CELF2: variants seen among roughly 807,000 people sequenced by gnomAD.
CELF2 encodes the protein CUGBP Elav-like family member 2.
In CELF2, 8 loss-of-function variants were observed where a neutral mutation model predicts 62.6. That is an observed-to-expected ratio of 0.13 (90% CI 0.07 to 0.23). The LOEUF (loss-of-function observed/expected upper bound fraction) is 0.23, where lower values mean the gene tolerates loss of function less well. CELF2 is among the 10% of genes least tolerant of loss of function. CELF2 has a pLI of 1.00. For missense variants in CELF2, 333 were observed against 671.0 expected (o/e 0.50, Z 5.56); for synonymous variants, 258 against 250.0 (o/e 1.03, Z -0.30).
chr10:10,902,594 A>G (rs1295019978), intron 1 of CELF2, among the ~76,000 whole-genome samples: 2 of 152,226 alleles, frequency 1.3e-5, no homozygotes, highest in African/African-American at 2.4e-5. Context: ...ACTTGGGGAC[A>G]GGGAAGGGAT....
the CELF2 span, among the ~76,000 whole-genome samples, chr10:10,759,595 T>C: frequency 6.6e-6 from 1 of 151,882 alleles, no homozygotes; most frequent in Admixed American, 6.6e-5. Flanking sequence ...AGGTGTGAAC[T>C]ACCACGTCTG....
intron 1 of CELF2, among the ~76,000 whole-genome samples, chr10:10,858,817 T>A (rs533240880): frequency 2.6e-5 from 4 of 152,272 alleles, no homozygotes; most frequent in South Asian, 4.1e-4. Flanking sequence ...ATAACATTAT[T>A]CCTTTAGTTT....
At position 11,039,319 on chromosome 10, in the gene CELF2, C is replaced by T. The variant is rs142320884; in HGVS notation, c.74+21156C>T. The stretch of plus-strand genomic sequence containing the variant: ...AACTGGGCCAATTCTCATGGGGCAC[C>T]TCCCATGCCAGGATTTGGGATGTAA... On this transcript the variant is annotated intron_variant, in intron 1 of 12. Transcript: ENST00000633077. The surrounding 1 kb of genome is among the most constrained non-coding windows in gnomAD (Gnocchi z 4.1). 7.2e-5 allele frequency among the ~76,000 whole-genome samples: 11 copies of T among 152,260 alleles called. No individual in the cohort carries two copies. In the East Asian group the frequency reaches 2.1e-3, roughly 29 times the overall value.
the CELF2 span, among the ~76,000 whole-genome samples, chr10:10,625,924 T>C: frequency 6.6e-5 from 10 of 152,214 alleles, no homozygotes; most frequent in South Asian, 1.7e-3. Context: ...TTTTTTTTTT[T>C]TTCTTCTAAA....
At chr10:10,864,770 CACGA>C (rs2060253874) in intron 1 of CELF2, among the ~76,000 whole-genome samples, 1 of 152,192 alleles carries the variant, frequency 6.6e-6, no homozygotes, top group African/African-American at 2.4e-5. Context: ...CTTAGAGAGA[CACGA>C]ATATTCAGTT....
chr10:10,649,123 T>C, the CELF2 span, among the ~76,000 whole-genome samples: 2 of 152,192 alleles, frequency 1.3e-5, no homozygotes, highest in African/African-American at 4.8e-5. Context: ...TATCCTCTCA[T>C]TTTTTCATGC....
chr10:10,685,021 C>T, the CELF2 span, among the ~76,000 whole-genome samples: 18 of 152,188 alleles, frequency 1.2e-4, no homozygotes, highest in Non-Finnish European at 2.5e-4. Flanking sequence ...AAACAACCAC[C>T]GGAGACCAAA....
chr10:10,909,888 A>C (rs2063663003), intron 1 of CELF2, among the ~76,000 whole-genome samples: 1 of 138,506 alleles, frequency 7.2e-6, no homozygotes, highest in Non-Finnish European at 1.5e-5. Context: ...TTCCTGTCTA[A>C]TAATATCCAG....
chr10:10,699,406 G>A, the CELF2 span, among the ~76,000 whole-genome samples: 1 of 152,214 alleles, frequency 6.6e-6, no homozygotes, highest in South Asian at 2.1e-4. Flanking sequence ...TCAATGGTGA[G>A]CAATTCATAC....
the CELF2 span, chr10:10,792,240 C>A: frequency 7.6e-6 from 3 of 395,780 alleles, no homozygotes; most frequent in East Asian, 1.1e-4. Flanking sequence ...GCAGTGGTTA[C>A]CACCTTGAAT....
At chr10:10,506,670 ATTTTTTTTTTTT>A in the CELF2 span, among the ~76,000 whole-genome samples, 5 of 64,572 alleles carry the variant, frequency 7.7e-5, no homozygotes, top group East Asian at 5.9e-4. Context: ...CCTCCTGTGA[ATTTTTTTTTTTT>A]TTTTTTTTTT....
the CELF2 span, among the ~76,000 whole-genome samples, chr10:10,490,380 C>T: frequency 6.6e-6 from 1 of 152,090 alleles, no homozygotes; most frequent in East Asian, 1.9e-4. Context: ...GTGGAAAATG[C>T]CTTTGTCCAG....
intron 3 of CELF2, among the ~76,000 whole-genome samples, chr10:11,235,871 G>A (rs947762067): frequency 1.3e-5 from 2 of 151,908 alleles, no homozygotes; most frequent in African/African-American, 4.8e-5. Flanking sequence ...AATCATTTTT[G>A]CTTAAACGTG....
chr10:11,049,532 T>A (rs1291884), intron 1 of CELF2, among the ~76,000 whole-genome samples: 5,690 of 143,912 alleles, frequency 0.04, 283 homozygotes, highest in African/African-American at 0.12. Context: ...TTCTCCCAAC[T>A]TATTTGTTCC....
Position 11,018,015 on chromosome 10 carries a change from G to C in CELF2, c.-75G>C, listed in dbSNP as rs1200876132. The C allele has an allele frequency of 2.8e-6, 3 of 1,064,504 alleles. No individual in the cohort carries two copies. The highest frequency in any genetic ancestry group is 3.4e-6 in the Non-Finnish European group (3 of 884,444). 65.9% of individuals were successfully genotyped at this position (1,064,504 alleles called of 1,614,324 possible). A position where few individuals can be genotyped will look rare whatever the true frequency, so the allele number is the denominator to read the frequency against. ...AGGCCGCGCGCACCTGTCCCTGCCC[G>C]TCTCGCGCCGCCCGCGGCCGCTCGG... On this transcript the variant is annotated 5_prime_UTR_variant, in exon 1 of 13. Transcript: ENST00000633077.
chr10:11,215,020 A>G (rs1192026255), intron 2 of CELF2, among the ~76,000 whole-genome samples: 2 of 152,204 alleles, frequency 1.3e-5, no homozygotes, highest in Non-Finnish European at 2.9e-5. Flanking sequence ...TGAAAAACAA[A>G]AACCACCCAC....
chr10:11,124,123 A>G (rs915188817), intron 1 of CELF2, among the ~76,000 whole-genome samples: 1 of 151,982 alleles, frequency 6.6e-6, no homozygotes, highest in African/African-American at 2.4e-5. Flanking sequence ...AGTATGGGAG[A>G]ACTGCCCCAT....
rs965993318 is a variant in CELF2, at chr10:11,290,299, G to A, written c.976+1747G>A. Among the ~76,000 whole-genome samples the A allele has an allele frequency of 2.6e-5, 4 of 152,176 alleles. 1 individual carries two copies. Among genetic ancestry groups the A allele is most frequent in the African/African-American group, 4.8e-5 (2 of 41,440 alleles). ...GGAGGTGACCCCTCTCTCAAAAGGT[G>A]ACCTTTGAGCAGAGACCTGAGTTCC... On this transcript the variant is annotated intron_variant, in intron 9 of 12. Coordinates refer to ENST00000633077, the MANE Select transcript of CELF2 (RefSeq NM_001326342.2). The surrounding 1 kb of genome is among the most constrained non-coding windows in gnomAD (Gnocchi z 4.3).
At chr10:10,622,322 G>A in the CELF2 span, among the ~76,000 whole-genome samples, 7 of 152,276 alleles carry the variant, frequency 4.6e-5, no homozygotes, top group Admixed American at 1.3e-4. Context: ...AAGATGCCAA[G>A]GTTAGGCCAG....
Sources: allele counts gnomAD v4.1 joint callset (sites outside exome capture counted in the v4.1 genomes callset), GRCh38; gene constraint gnomAD v4.1.1; non-coding constraint Gnocchi (gnomAD v3.1); transcripts MANE v1.5; gene names NCBI Gene and HGNC (gene_info 2026-07-23, HGNC 2026-07-21).